Variants in GNB1 observed in about 807,000 individuals in gnomAD.
GNB1 encodes guanine nucleotide-binding protein G(I)/G(S)/G(T) subunit beta-1.
Under a neutral mutation model 42.9 loss-of-function variants are expected in GNB1, and 2 were observed. The observed-to-expected ratio is 0.05, with a 90% CI of 0.02 to 0.15. The LOEUF (loss-of-function observed/expected upper bound fraction) is 0.15. Ranked by LOEUF, GNB1 falls within the 10% of genes least tolerant of loss-of-function variation. The probability of loss-of-function intolerance (pLI) is 1.00; values close to 1 mark genes in which losing one functional copy is unlikely to be tolerated. For missense variants in GNB1, 193 were observed against 462.2 expected, an observed-to-expected ratio of 0.42 and a Z score of 5.34; for synonymous variants, 183 against 174.7, an observed-to-expected ratio of 1.05 and a Z score of -0.38.
At chr1:1,859,483 TCAAA>T (rs796987351) in intron 1 of GNB1, among the ~76,000 whole-genome samples, 5 of 151,320 alleles carry the variant, frequency 3.3e-5, no homozygotes, top group African/African-American at 1.2e-4. Flanking sequence ...TCCTGTCTCT[TCAAA>T]CAAACAAAAA....
At chr1:1,861,407 C>A (rs898397652) in intron 1 of GNB1, among the ~76,000 whole-genome samples, 24 of 150,832 alleles carry the variant, frequency 1.6e-4, no homozygotes, top group Non-Finnish European at 3.5e-4. Flanking sequence ...ATGATCCCAC[C>A]GCTGCACTCC....
chr1:1,888,718 A>C (rs540562958), intron 1 of GNB1, among the ~76,000 whole-genome samples: 1 of 152,268 alleles, frequency 6.6e-6, no homozygotes, highest in Non-Finnish European at 1.5e-5. Context: ...GGTAGCTGTA[A>C]TCCCAGCTAC....
At chr1:1,878,969 T>C (rs1649693986) in intron 1 of GNB1, among the ~76,000 whole-genome samples, 1 of 152,190 alleles carries the variant, frequency 6.6e-6, no homozygotes, top group Admixed American at 6.5e-5. Context: ...GCGACACTAG[T>C]GCTGAGAGTC....
chr1:1,847,998 T>G (rs1191650481), intron 1 of GNB1, among the ~76,000 whole-genome samples: 4 of 151,786 alleles, frequency 2.6e-5, no homozygotes, highest in Non-Finnish European at 5.9e-5. Context: ...GCACTTGACT[T>G]CTTTAGGACA....
intron 1 of GNB1, among the ~76,000 whole-genome samples, chr1:1,855,874 C>T (rs2101587932): frequency 6.6e-6 from 1 of 152,336 alleles, no homozygotes; most frequent in African/African-American, 2.4e-5. Flanking sequence ...GATGCTATGA[C>T]CTTCTTAACC....
At chr1:1,794,292 G>A (rs1646518609) in intron 7 of GNB1, 1 of 152,236 alleles carries the variant, frequency 6.6e-6, no homozygotes, top group Non-Finnish European at 1.5e-5. Flanking sequence ...AGCTACTCAG[G>A]AGGGTGAGGC....
intron 1 of GNB1, among the ~76,000 whole-genome samples, chr1:1,885,012 T>G (rs1401456743): frequency 6.6e-6 from 1 of 152,094 alleles, no homozygotes; most frequent in Non-Finnish European, 1.5e-5. Flanking sequence ...GTGAATGAAT[T>G]AATACATAAA....
chr1:1,858,587 C>T (rs1648432221), intron 1 of GNB1, among the ~76,000 whole-genome samples: 1 of 152,178 alleles, frequency 6.6e-6, no homozygotes, highest in Admixed American at 6.5e-5. Context: ...AACATACTAC[C>T]CCCACTCACC....
At chr1:1,844,966 A>G (rs1266929196) in intron 1 of GNB1, among the ~76,000 whole-genome samples, 2 of 152,216 alleles carry the variant, frequency 1.3e-5, no homozygotes, top group African/African-American at 4.8e-5. Context: ...TAATTCTTTA[A>G]TTCAAAAACA....
chr1:1,795,176 C>T (rs971638479), intron 7 of GNB1, among the ~76,000 whole-genome samples: 14 of 152,156 alleles, frequency 9.2e-5, no homozygotes, highest in Non-Finnish European at 1.8e-4. Flanking sequence ...GCATACCTGG[C>T]GCCCCCTGTA....
chr1:1,842,018 A>G (rs1288852550), intron 1 of GNB1, among the ~76,000 whole-genome samples: 2 of 152,256 alleles, frequency 1.3e-5, no homozygotes, highest in Admixed American at 6.5e-5. Context: ...AGCTATAAAG[A>G]TAAAGGAGGC....
At chr1:1,868,168 GTGTTT>G (rs1429655142) in intron 1 of GNB1, among the ~76,000 whole-genome samples, 1 of 151,880 alleles carries the variant, frequency 6.6e-6, no homozygotes, top group Non-Finnish European at 1.5e-5. Flanking sequence ...CATATAGTGT[GTGTTT>G]TGTTTTTTTG....
At chr1:1,838,439 T>C (rs970148717) in intron 2 of GNB1, among the ~76,000 whole-genome samples, 1 of 149,744 alleles carries the variant, frequency 6.7e-6, no homozygotes, top group Non-Finnish European at 1.5e-5. Context: ...ACCTTACTTT[T>C]TTTTCTTTTC....
At chr1:1,829,422 CTTT>C (rs1647045815) in intron 2 of GNB1, among the ~76,000 whole-genome samples, 1 of 152,190 alleles carries the variant, frequency 6.6e-6, no homozygotes, top group African/African-American at 2.4e-5. Context: ...TCAGTACCAT[CTTT>C]TTGTTATGTG....
intron 1 of GNB1, among the ~76,000 whole-genome samples, chr1:1,860,210 A>T (rs1469217355): frequency 1.3e-5 from 2 of 152,198 alleles, no homozygotes; most frequent in Non-Finnish European, 2.9e-5. Flanking sequence ...TCTCATTTAT[A>T]AGTGGGAGCT....
At chr1:1,805,688 C>A (rs918669723) in intron 6 of GNB1, among the ~76,000 whole-genome samples, 1 of 151,864 alleles carries the variant, frequency 6.6e-6, no homozygotes, top group African/African-American at 2.4e-5. Flanking sequence ...TTACAGGCGC[C>A]TGCCACCACT....
chr1:1,809,932 C>T (rs1223463456), intron 5 of GNB1, among the ~76,000 whole-genome samples: 8 of 152,114 alleles, frequency 5.3e-5, no homozygotes, highest in Non-Finnish European at 1.2e-4. Context: ...ACACCTAATG[C>T]CCTTCATTTT....
At chr1:1,814,725 C>A (rs1235694848) in intron 5 of GNB1, among the ~76,000 whole-genome samples, 6 of 144,636 alleles carry the variant, frequency 4.1e-5, no homozygotes, top group Non-Finnish European at 1.5e-5. Flanking sequence ...TTACTGGAGC[C>A]TAGGACGTCG....
intron 1 of GNB1, among the ~76,000 whole-genome samples, chr1:1,875,843 C>G (rs2101827410): frequency 6.6e-6 from 1 of 152,196 alleles, no homozygotes; most frequent in Non-Finnish European, 1.5e-5. Context: ...AGTGTCCCCC[C>G]CCCCAAAATT....
Sources: allele counts gnomAD v4.1 joint callset (sites outside exome capture counted in the v4.1 genomes callset), GRCh38; gene constraint gnomAD v4.1.1; transcripts MANE v1.5; gene names NCBI Gene and HGNC (gene_info 2026-07-23, HGNC 2026-07-21).